The following AP5M1 variants were observed in gnomAD, a reference collection of about 807,000 sequenced individuals.
AP5M1 encodes the protein AP-5 complex subunit mu-1.
AP5M1 carries 44 observed loss-of-function variants against 52.3 expected under a neutral mutation model. The observed-to-expected ratio is 0.84, with a 90% CI of 0.66 to 1.08. The LOEUF (loss-of-function observed/expected upper bound fraction) is 1.08, where lower values mean the gene tolerates loss of function less well. Among genes scored for constraint, AP5M1 ranks in the 50% least tolerant of loss-of-function variants. AP5M1 has a pLI of 0.00. For synonymous variants in AP5M1, 213 were observed against 199.0 expected (o/e 1.07, Z -0.59); for missense variants, 526 against 568.4 (o/e 0.93, Z 0.76).
intron 2 of AP5M1, among the ~76,000 whole-genome samples, chr14:57,277,821 A>T (rs932921515): frequency 6.6e-6 from 1 of 151,954 alleles, no homozygotes; most frequent in Non-Finnish European, 1.5e-5. Flanking sequence ...CTACGCATAG[A>T]AATGTGTCAG....
At chr14:57,280,137 C>G in intron 2 of AP5M1, 58 bp from the exon 3 acceptor site, 1 of 1,288,902 alleles carries the variant, frequency 7.8e-7, no homozygotes, top group Non-Finnish European at 1.1e-6. Flanking sequence ...TTTTGAAAAG[C>G]CTCAAACAGA....
At chr14:57,277,867 G>A (rs1011599719) in intron 2 of AP5M1, among the ~76,000 whole-genome samples, 10 of 151,952 alleles carry the variant, frequency 6.6e-5, no homozygotes, top group African/African-American at 2.2e-4. Flanking sequence ...AACGATTCTT[G>A]CTTTCAAAGA....
intron 1 of AP5M1, among the ~76,000 whole-genome samples, chr14:57,273,972 A>G (rs1884955887): frequency 6.6e-6 from 1 of 152,202 alleles, no homozygotes; most frequent in South Asian, 2.1e-4. Context: ...TTGAATTACA[A>G]TCATGTACTC....
At chr14:57,273,956 C>T (rs17722054) in intron 1 of AP5M1, among the ~76,000 whole-genome samples, 5,058 of 152,142 alleles carry the variant, frequency 0.033, 110 homozygotes, top group Middle Eastern at 0.092. Flanking sequence ...CTGAGAGACA[C>T]GGATTTTGAA....
At chr14:57,277,473 A>G (rs1368888035) in intron 2 of AP5M1, among the ~76,000 whole-genome samples, 1 of 152,186 alleles carries the variant, frequency 6.6e-6, no homozygotes, top group Admixed American at 6.5e-5. Context: ...TAGTTCACAT[A>G]TAGAAAATAG....
At chr14:57,280,144 C>G in intron 2 of AP5M1, 51 bp from the exon 3 acceptor site, 1 of 1,370,966 alleles carries the variant, frequency 7.3e-7, no homozygotes, top group Non-Finnish European at 1.0e-6. Flanking sequence ...AAGCCTCAAA[C>G]AGACATTTGC....
intron 7 of AP5M1, among the ~76,000 whole-genome samples, chr14:57,288,273 A>AC (rs1301253725): frequency 6.5e-4 from 99 of 152,068 alleles, no homozygotes; most frequent in African/African-American, 2.2e-3. Context: ...TTTAGTTCAA[A>AC]TAGGTTGCCA....
At position 57,289,432 on chromosome 14, in the gene AP5M1, GAGACAA is replaced by G. The variant is rs1268044720; in HGVS notation, c.*551_*556del. On this transcript the variant is annotated 3_prime_UTR_variant, in exon 8 of 8. Coordinates refer to ENST00000261558, the MANE Select transcript of AP5M1 (RefSeq NM_018229.4). ...ACATCTCTTCAAAAAACAGCCAACA[GAGACAA>G]AGGAAAAGTGTTTAAATAGTAAGCT... The G allele has an allele frequency of 3.3e-5, 5 of 152,082 alleles. No homozygotes were observed. Among genetic ancestry groups the G allele is most frequent in the African/African-American group, 1.2e-4 (5 of 41,432 alleles). The allele number at this position is 152,082 out of a possible 1,614,324, so 9.4% of individuals were successfully genotyped here.
chr14:57,280,532 A>T lies in AP5M1; in HGVS notation c.948+110A>T, dbSNP rs937798267. The T allele has an allele frequency of 4.0e-6, 3 of 757,264 alleles. No individual in the cohort carries two copies. In the African/African-American group the frequency reaches 5.3e-5, roughly 13 times the overall value. The allele number at this position is 757,264 out of a possible 1,614,324, so 46.9% of individuals were successfully genotyped here. ...TGAGAACTTAGAAAAAGTTCTATTTATCAGACAATAATTGATGATTGAAGA... is the reference window on the plus strand; with the variant it reads ...TGAGAACTTAGAAAAAGTTCTATTTTTCAGACAATAATTGATGATTGAAGA... On this transcript the variant is annotated intron_variant, in intron 3 of 7. Transcript: ENST00000261558.
chr14:57,278,876 A>G (rs1170786593), intron 2 of AP5M1, among the ~76,000 whole-genome samples: 4 of 152,194 alleles, frequency 2.6e-5, no homozygotes, highest in Non-Finnish European at 5.9e-5. Flanking sequence ...GGCAAAAGGC[A>G]TGTACAGACC....
chr14:57,277,859 C>T (rs761861135), intron 2 of AP5M1, among the ~76,000 whole-genome samples: 2 of 151,814 alleles, frequency 1.3e-5, no homozygotes, highest in Admixed American at 6.6e-5. Context: ...AAAAATGTAA[C>T]GATTCTTGCT....
Position 57,269,060 on chromosome 14 carries a change from C to G in AP5M1, c.-255C>G, listed in dbSNP as rs181867118. ...TTAGAGGAAGAAAATACCGGAGTTG[C>G]AGGGTATAGGTAAATTTCTCAAGGT... On this transcript the variant is annotated 5_prime_UTR_variant, in exon 1 of 8. Coordinates refer to ENST00000261558, the MANE Select transcript of AP5M1 (RefSeq NM_018229.4). 2,072 of 559,322 alleles carry G rather than the reference C, an allele frequency of 3.7e-3. 17 individuals are homozygous for G. Among genetic ancestry groups the G allele is most frequent in the Middle Eastern group, 0.014 (29 of 2,138 alleles). The allele number at this position is 559,322 out of a possible 1,614,324, so 34.6% of individuals were successfully genotyped here. A position where few individuals can be genotyped will look rare whatever the true frequency, so the allele number is the denominator to read the frequency against.
At chr14:57,278,841 A>G (rs1483520839) in intron 2 of AP5M1, among the ~76,000 whole-genome samples, 1 of 152,200 alleles carries the variant, frequency 6.6e-6, no homozygotes, top group African/African-American at 2.4e-5. Context: ...AGGTAGATGA[A>G]GAAAAACAAC....
intron 3 of AP5M1, among the ~76,000 whole-genome samples, chr14:57,281,826 C>G (rs1885181178): frequency 6.6e-6 from 1 of 152,162 alleles, no homozygotes; most frequent in Admixed American, 6.5e-5. Context: ...TGCGGCAGAT[C>G]AGAGAACATG....
intron 6 of AP5M1, 150 bp downstream of exon 6, chr14:57,283,380 T>C: frequency 3.5e-6 from 2 of 574,514 alleles, no homozygotes; most frequent in Admixed American, 6.6e-5. Context: ...TTTTGTTTGA[T>C]TTTTTGTTGT....
rs1483300172 is a variant in AP5M1 at position 57,294,381 on chromosome 14, A to G, written c.*5497A>G. 1.3e-5 allele frequency: 2 copies of G among 151,886 alleles called. No individual in the cohort carries two copies. The highest frequency in any genetic ancestry group is 2.4e-5 in the African/African-American group (1 of 41,398). The allele number at this position is 151,886 out of a possible 1,614,324, so 9.4% of individuals were successfully genotyped here. ...TTTTGTTATGAAAAATTTAAAAATT[A>G]GTTATTCCTCTTAAATTTTTACTTT... On this transcript the variant is annotated 3_prime_UTR_variant, in exon 8 of 8. Coordinates refer to ENST00000261558, the MANE Select transcript of AP5M1 (RefSeq NM_018229.4).
In AP5M1 at chr14:57,286,266, C is replaced by G. The variant is rs748141647; in HGVS notation, c.1337C>G (p.Ala446Gly). Reference sequence around the variant, plus strand: ...GATTACACACTTACTGGATGTTATGCAGATCAGCATTCAGTTCAAGTTTTT... The same window carrying G: ...GATTACACACTTACTGGATGTTATGGAGATCAGCATTCAGTTCAAGTTTTT... Reference protein sequence around the residue: ...ILDYTLTGCYADQHSVQVFAS... With the variant: ...ILDYTLTGCYGDQHSVQVFAS... The change falls in exon 7 of 8, where the codon GCA becomes GGA. Residue 446 changes from alanine to glycine, a missense_variant. Around this residue, in one of 3 missense-constraint regions of AP5M1, gnomAD observed 97 missense variants for 121.3 expected, o/e 0.80. Coordinates refer to ENST00000261558, the MANE Select transcript of AP5M1 (RefSeq NM_018229.4). 5.6e-6 allele frequency: 9 copies of G among 1,612,824 alleles called. No homozygotes were observed. The South Asian group carries it at 9.9e-5, about 18-fold the overall frequency.
chr14:57,286,056 T>C (rs946253502), intron 6 of AP5M1, among the ~76,000 whole-genome samples, 167 bp from the exon 7 acceptor site: 1 of 152,170 alleles, frequency 6.6e-6, no homozygotes, highest in African/African-American at 2.4e-5. Context: ...TGTGTGTTTT[T>C]GTATATATAT....
At chr14:57,276,372 T>C (rs1885036611) in intron 2 of AP5M1, among the ~76,000 whole-genome samples, 1 of 152,180 alleles carries the variant, frequency 6.6e-6, no homozygotes, top group Non-Finnish European at 1.5e-5. Flanking sequence ...GGCCAGGAGT[T>C]TGAGACCAGC....
Sources: gnomAD v4.1 joint callset for allele counts (sites outside exome capture counted in the v4.1 genomes callset) on GRCh38, gnomAD v4.1.1 for gene constraint, gnomAD v4.1.1 regional missense constraint, MANE v1.5 for transcripts, NCBI Gene and HGNC (gene_info 2026-07-23, HGNC 2026-07-21) for gene names.